Variants in RAPGEF1 observed in about 807,000 individuals in gnomAD.
RAPGEF1 encodes Rap guanine nucleotide exchange factor 1, also known as CRK SH3-binding GNRP.
RAPGEF1 carries 33 observed loss-of-function variants against 143.3 expected under a neutral mutation model. That is an observed-to-expected ratio of 0.23 (90% CI 0.17 to 0.31). The LOEUF (loss-of-function observed/expected upper bound fraction) is 0.31. Ranked by LOEUF, RAPGEF1 falls within the 10% of genes least tolerant of loss-of-function variation. The pLI is 1.00. For synonymous variants in RAPGEF1, 629 were observed against 676.5 expected, an observed-to-expected ratio of 0.93 and a Z score of 1.09; for missense variants, 1,199 against 1,645.4, an observed-to-expected ratio of 0.73 and a Z score of 4.69.
intron 1 of RAPGEF1, among the ~76,000 whole-genome samples, chr9:131,707,566 G>C (rs1286174072): frequency 6.6e-6 from 1 of 152,024 alleles, no homozygotes; most frequent in Non-Finnish European, 1.5e-5. Flanking sequence ...TCAGCCTCCC[G>C]AGTAGCTGGG....
intron 9 of RAPGEF1, among the ~76,000 whole-genome samples, chr9:131,626,733 C>T (rs1301127857): frequency 6.6e-6 from 1 of 152,182 alleles, no homozygotes; most frequent in Non-Finnish European, 1.5e-5. Flanking sequence ...GTACCATAAT[C>T]TAACTGTACT....
intron 5 of RAPGEF1, among the ~76,000 whole-genome samples, chr9:131,634,214 T>C (rs1243770107): frequency 6.6e-6 from 1 of 151,936 alleles, no homozygotes; most frequent in East Asian, 1.9e-4. Flanking sequence ...ATTGTGCCGT[T>C]GTTGCACTCC....
At chr9:131,722,521 T>C (rs1836339734) in intron 1 of RAPGEF1, among the ~76,000 whole-genome samples, 1 of 152,316 alleles carries the variant, frequency 6.6e-6, no homozygotes, top group South Asian at 2.1e-4. Flanking sequence ...AAGCACTAAC[T>C]ACGCGCCAAG....
intron 1 of RAPGEF1, among the ~76,000 whole-genome samples, chr9:131,686,670 T>A (rs1333715774): frequency 6.6e-6 from 1 of 152,212 alleles, no homozygotes; most frequent in Non-Finnish European, 1.5e-5. Flanking sequence ...CACCTCTCTG[T>A]GTTGTAGGTT....
chr9:131,637,724 G>C (rs979870668), intron 5 of RAPGEF1, among the ~76,000 whole-genome samples: 2 of 152,150 alleles, frequency 1.3e-5, no homozygotes, highest in Non-Finnish European at 2.9e-5. Context: ...TATGTGCCAG[G>C]TGCTGTTCTA....
chr9:131,659,943 T>C (rs1385415018), intron 1 of RAPGEF1, among the ~76,000 whole-genome samples: 1 of 152,122 alleles, frequency 6.6e-6, no homozygotes, highest in African/African-American at 2.4e-5. Context: ...CTCAGCCTCC[T>C]GAGTAGCTGG....
At chr9:131,598,512 G>A (rs1335410561) in intron 15 of RAPGEF1, 1 of 693,460 alleles carries the variant, frequency 1.4e-6, no homozygotes, top group East Asian at 2.7e-5. Context: ...TGCTGCCTCT[G>A]GATGTTCCAT....
rs1966878175 is a variant in RAPGEF1 at position 131,638,722 on chromosome 9, T to C, written c.564A>G (p.Gln188=). ...SLANLIRWSD[Q]VMLEGVNSED... ...CTGAGTTCACGCCTTCCAGCATCAC[T>C]TGGTCAGACCAGCGAATGAGGTTGG... The change falls in exon 5 of 27, where the codon CAA becomes CAG. Residue 188 remains glutamine (Q), a synonymous_variant. Transcript: ENST00000683357. The C allele has an allele frequency of 6.2e-7, 1 of 1,613,998 alleles. No homozygotes were observed. The highest frequency in any genetic ancestry group is 8.5e-7 in the Non-Finnish European group (1 of 1,179,882).
At chr9:131,652,211 CTTT>C (rs796755972) in intron 1 of RAPGEF1, among the ~76,000 whole-genome samples, 2 of 151,814 alleles carry the variant, frequency 1.3e-5, no homozygotes, top group South Asian at 4.2e-4. Flanking sequence ...CTTACTGTAA[CTTT>C]TTTACTTTAT....
chr9:131,642,069 A>G (rs1365868406), intron 4 of RAPGEF1, among the ~76,000 whole-genome samples: 1 of 152,196 alleles, frequency 6.6e-6, no homozygotes, highest in African/African-American at 2.4e-5. Context: ...AAGAAAAACA[A>G]AACATGTGCC....
intron 1 of RAPGEF1, among the ~76,000 whole-genome samples, chr9:131,705,958 T>C (rs865879868): frequency 8.5e-5 from 13 of 152,320 alleles, no homozygotes; most frequent in South Asian, 4.2e-4. Context: ...AAATTTGCCT[T>C]TGGAATGCAC....
chr9:131,588,017 G>C lies in RAPGEF1; in HGVS notation c.3063C>G (p.Thr1021=). The C allele has an allele frequency of 7.4e-6, 12 of 1,612,406 alleles. No homozygotes were observed. Among genetic ancestry groups the C allele is most frequent in the Non-Finnish European group, 1.0e-5 (12 of 1,179,542 alleles). ...TCTCATGGCTGTGAAAGTCGTGCAA[G>C]GTCCCCGGCCTGGAAGACAGAGGTG... ...AARGVAARPG[T]LHDFHSHEIA... The change falls in exon 21 of 27, where the codon ACC becomes ACG. Residue 1021 remains threonine, a synonymous_variant. Transcript: ENST00000683357.
At chr9:131,589,425 C>T (rs1360224058) in intron 19 of RAPGEF1, among the ~76,000 whole-genome samples, 3 of 152,230 alleles carry the variant, frequency 2.0e-5, no homozygotes, top group Non-Finnish European at 2.9e-5. Context: ...ATGGTCATCT[C>T]CCCCAGCAGG....
chr9:131,605,919 C>CA (rs1219007371), intron 12 of RAPGEF1, among the ~76,000 whole-genome samples: 1 of 151,964 alleles, frequency 6.6e-6, no homozygotes, highest in Non-Finnish European at 1.5e-5. Context: ...ACAAAAAATA[C>CA]AAAAATGAGC....
chr9:131,665,820 C>T (rs550386237), intron 1 of RAPGEF1, among the ~76,000 whole-genome samples: 162 of 152,308 alleles, frequency 1.1e-3, no homozygotes, highest in Non-Finnish European at 1.3e-3. Flanking sequence ...CAAGCTGCAT[C>T]CTTCAAGCAA....
rs569159076 is a variant in RAPGEF1 at position 131,609,927 on chromosome 9, C to T, written c.2062-4739G>A. 1.2e-3 allele frequency among the ~76,000 whole-genome samples: 183 copies of T among 152,302 alleles called. 3 individuals are homozygous for T. The South Asian group carries it at 0.02, about 17-fold the overall frequency. On this transcript the variant is annotated intron_variant, in intron 12 of 26. Coordinates refer to ENST00000683357, the MANE Select transcript of RAPGEF1 (RefSeq NM_001377935.1). ...CCTTTCTTTTTTTGAGACAGGGTCTCGCTCTGTCACCCAGGTTGGAGTGCA... is the reference window on the plus strand; with the variant it reads ...CCTTTCTTTTTTTGAGACAGGGTCTTGCTCTGTCACCCAGGTTGGAGTGCA...
intron 14 of RAPGEF1, among the ~76,000 whole-genome samples, chr9:131,603,148 CCT>C (rs1206825958): frequency 2.0e-5 from 3 of 152,074 alleles, no homozygotes; most frequent in Non-Finnish European, 4.4e-5. Context: ...CCTCTGAACC[CCT>C]GTGGGGACCC....
In RAPGEF1 at chr9:131,621,744, T is replaced by TAG. The variant is rs1197067904; in HGVS notation, c.1905+50_1905+51dup. On this transcript the variant is annotated intron_variant, in intron 11 of 26. Transcript: ENST00000683357. This position sits in a 1 kb window ranked among gnomAD's most constrained non-coding sequence, Gnocchi z 4.5. The stretch of plus-strand genomic sequence containing the variant: ...CCCCAAGGAGGGTCATTCTGGTTCC[T>TAG]AGAGACCTGCTAGGATCGGAAGTTC... 9 of 1,526,960 alleles carry TAG rather than the reference T, an allele frequency of 5.9e-6. No individual in the cohort carries two copies. Among genetic ancestry groups the TAG allele is most frequent in the Non-Finnish European group, 8.0e-6 (9 of 1,129,292 alleles). The allele number at this position is 1,526,960 out of a possible 1,614,324, so 94.6% of individuals were successfully genotyped here. A position where few individuals can be genotyped will look rare whatever the true frequency, so the allele number is the denominator to read the frequency against.
intron 1 of RAPGEF1, among the ~76,000 whole-genome samples, chr9:131,656,036 T>C (rs1324766793): frequency 6.6e-6 from 1 of 152,214 alleles, no homozygotes; most frequent in East Asian, 1.9e-4. Flanking sequence ...GTGATGTAGA[T>C]TAAATGAGAT....
Sources: gnomAD v4.1 joint callset for allele counts (sites outside exome capture counted in the v4.1 genomes callset) on GRCh38, gnomAD v4.1.1 for gene constraint, Gnocchi (gnomAD v3.1) non-coding constraint, MANE v1.5 for transcripts, NCBI Gene and HGNC (gene_info 2026-07-23, HGNC 2026-07-21) for gene names.